Variants in ZFPM2 observed in about 807,000 individuals in gnomAD.
ZFPM2 encodes zinc finger protein, FOG family member 2.
ZFPM2 carries 20 observed loss-of-function variants against 98.6 expected under a neutral mutation model. That is an observed-to-expected ratio of 0.20 (90% CI 0.14 to 0.29). The LOEUF (loss-of-function observed/expected upper bound fraction) is 0.29. Ranked by LOEUF, ZFPM2 falls within the 10% of genes least tolerant of loss-of-function variation. The pLI is 1.00. For synonymous variants in ZFPM2, 518 were observed against 502.7 expected (o/e 1.03, Z -0.41); for missense variants, 1,310 against 1,388.6 (o/e 0.94, Z 0.90).
chr8:105,658,567 C>G lies in ZFPM2; in HGVS notation c.532+24210C>G, dbSNP rs1158393935. Among the ~76,000 whole-genome samples the G allele has an allele frequency of 1.0e-4, 3 of 29,996 alleles. 1 individual carries two copies. In the East Asian group the frequency reaches 3.2e-3, roughly 32 times the overall value. 19.7% of individuals were successfully genotyped at this position (29,996 alleles called of 152,430 possible). On this transcript the variant is annotated intron_variant, in intron 5 of 7. Coordinates refer to ENST00000407775, the MANE Select transcript of ZFPM2 (RefSeq NM_012082.4). ...TTGCGCCACTGCACTCCAGCCTGGG[C>G]GACAGCGAGACTCCGTCTCAAAAAA...
chr8:105,783,164 C>T (rs1428546431), intron 5 of ZFPM2, among the ~76,000 whole-genome samples: 3 of 144,806 alleles, frequency 2.1e-5, no homozygotes, highest in Non-Finnish European at 4.5e-5. Context: ...AGTAGCTTTG[C>T]TAGGAAAGTC....
chr8:105,727,127 G>A (rs1811829425), intron 5 of ZFPM2, among the ~76,000 whole-genome samples: 1 of 151,262 alleles, frequency 6.6e-6, no homozygotes, highest in African/African-American at 2.4e-5. Flanking sequence ...TATTGTAAAT[G>A]TTTCTTTGTT....
intron 5 of ZFPM2, among the ~76,000 whole-genome samples, chr8:105,761,641 T>C (rs534733104): frequency 2.5e-4 from 38 of 151,948 alleles, no homozygotes; most frequent in Non-Finnish European, 4.9e-4. Flanking sequence ...AGACACAAGA[T>C]GATTTGACGC....
At chr8:105,603,573 T>G (rs1816137485) in intron 4 of ZFPM2, among the ~76,000 whole-genome samples, 1 of 152,146 alleles carries the variant, frequency 6.6e-6, no homozygotes, top group African/African-American at 2.4e-5. Flanking sequence ...GTATTCAGAA[T>G]GTTTCTGTAA....
chr8:105,334,725 A>G (rs758910916), intron 1 of ZFPM2, among the ~76,000 whole-genome samples: 4 of 151,666 alleles, frequency 2.6e-5, no homozygotes, highest in Admixed American at 2.6e-4. Context: ...TCTCACCCCT[A>G]TCAAATGTTT....
chr8:105,438,613 C>T (rs1812172540), intron 2 of ZFPM2, among the ~76,000 whole-genome samples: 1 of 151,984 alleles, frequency 6.6e-6, no homozygotes, highest in Non-Finnish European at 1.5e-5. Context: ...TAACCATGGT[C>T]TCACAAAAAT....
intron 5 of ZFPM2, among the ~76,000 whole-genome samples, chr8:105,773,684 AAGAT>A (rs1293279499): frequency 1.3e-5 from 2 of 150,952 alleles, no homozygotes; most frequent in East Asian, 1.9e-4. Flanking sequence ...ATAAATAAAA[AAGAT>A]AAATAAAAAT....
intron 3 of ZFPM2, among the ~76,000 whole-genome samples, chr8:105,548,936 T>C (rs1814778109): frequency 6.6e-6 from 1 of 152,202 alleles, no homozygotes; most frequent in Non-Finnish European, 1.5e-5. Flanking sequence ...AGTAAATATG[T>C]ATTTAAGTAA....
At chr8:105,607,728 C>G (rs1210176796) in intron 4 of ZFPM2, among the ~76,000 whole-genome samples, 3 of 152,092 alleles carry the variant, frequency 2.0e-5, no homozygotes, top group African/African-American at 7.2e-5. Flanking sequence ...GTTCACTCTC[C>G]TGTGTGTTCC....
At chr8:105,606,495 C>T (rs1816200445) in intron 4 of ZFPM2, among the ~76,000 whole-genome samples, 1 of 151,874 alleles carries the variant, frequency 6.6e-6, no homozygotes, top group South Asian at 2.1e-4. Flanking sequence ...CTCTGTGCTC[C>T]AATTGGCTGG....
intron 5 of ZFPM2, among the ~76,000 whole-genome samples, chr8:105,658,260 C>A (rs2130881492): frequency 6.6e-6 from 1 of 152,222 alleles, no homozygotes; most frequent in African/African-American, 2.4e-5. Flanking sequence ...TTTCAGTGAC[C>A]TTTGAATCTT....
chr8:105,446,161 C>T (rs1323772375), intron 3 of ZFPM2, among the ~76,000 whole-genome samples: 2 of 152,138 alleles, frequency 1.3e-5, no homozygotes, highest in African/African-American at 4.8e-5. Flanking sequence ...ACCTCGTGAT[C>T]CTCCCGCCTT....
chr8:105,408,198 G>A (rs1006874692), intron 1 of ZFPM2, among the ~76,000 whole-genome samples: 1 of 151,938 alleles, frequency 6.6e-6, no homozygotes, highest in Non-Finnish European at 1.5e-5. Context: ...ATTCTCCAGA[G>A]AGTAAGTGTT....
At chr8:105,481,070 T>A (rs1813107390) in intron 3 of ZFPM2, among the ~76,000 whole-genome samples, 1 of 152,090 alleles carries the variant, frequency 6.6e-6, no homozygotes, top group Non-Finnish European at 1.5e-5. Context: ...TTTTTAAAAA[T>A]CCAGTTCACA....
In ZFPM2 at chr8:105,708,517, G is replaced by C. The variant is rs147470172; in HGVS notation, c.532+74160G>C. Among the ~76,000 whole-genome samples, 596 of 152,042 alleles carry C rather than the reference G, an allele frequency of 3.9e-3. 6 individuals carry two copies. Among genetic ancestry groups the C allele is most frequent in the African/African-American group, 0.013 (537 of 41,504 alleles). On this transcript the variant is annotated intron_variant, in intron 5 of 7. Transcript: ENST00000407775. ...TGATCACGGCTCACTGCACCCTCAA[G>C]CTCCTGGACTCAGGTGATCCTCCCA...
At chr8:105,592,329 GT>G (rs904447859) in intron 4 of ZFPM2, among the ~76,000 whole-genome samples, 5 of 152,064 alleles carry the variant, frequency 3.3e-5, no homozygotes, top group Non-Finnish European at 5.9e-5. Flanking sequence ...ATCTGGAAGG[GT>G]TAAAGGACTT....
chr8:105,724,170 G>C (rs1291535201), intron 5 of ZFPM2, among the ~76,000 whole-genome samples: 2 of 151,762 alleles, frequency 1.3e-5, no homozygotes, highest in African/African-American at 4.8e-5. Context: ...CATAAAACCT[G>C]TATTTTTAAT....
intron 2 of ZFPM2, among the ~76,000 whole-genome samples, chr8:105,444,031 A>T (rs1812317971): frequency 6.6e-6 from 1 of 152,210 alleles, no homozygotes; most frequent in Admixed American, 6.5e-5. Flanking sequence ...CCAAAGGAAA[A>T]TTTACATGGA....
intron 5 of ZFPM2, among the ~76,000 whole-genome samples, chr8:105,723,296 C>G (rs1811714632): frequency 6.6e-6 from 1 of 151,850 alleles, no homozygotes; most frequent in Non-Finnish European, 1.5e-5. Flanking sequence ...GCTCTCACAA[C>G]TTTTTCTATA....
Sources: gnomAD v4.1 joint callset for allele counts (sites outside exome capture counted in the v4.1 genomes callset) on GRCh38, gnomAD v4.1.1 for gene constraint, MANE v1.5 for transcripts, NCBI Gene and HGNC (gene_info 2026-07-23, HGNC 2026-07-21) for gene names.